The following SGSM3 variants were observed in gnomAD, a reference collection of about 807,000 sequenced individuals.
SGSM3 encodes the protein small G protein signaling modulator 3, also known as RUN and SH3 containing 3.
SGSM3 carries 96 observed loss-of-function variants against 100.5 expected under a neutral mutation model. The ratio of observed to expected loss-of-function variants is 0.96; its 90% confidence interval spans 0.81 to 1.13. The LOEUF (loss-of-function observed/expected upper bound fraction) is 1.13, where lower values mean the gene tolerates loss of function less well. SGSM3 is among the 50% of genes most tolerant of loss of function. The pLI is 0.00. For missense variants in SGSM3, 1,001 were observed against 1,015.8 expected (o/e 0.99, Z 0.20); for synonymous variants, 483 against 422.8 (o/e 1.14, Z -1.75).
At chr22:40,396,792 C>T (rs1045374891) in intron 1 of SGSM3, among the ~76,000 whole-genome samples, 2 of 151,986 alleles carry the variant, frequency 1.3e-5, no homozygotes, top group African/African-American at 4.8e-5. Context: ...ATGAAGAGAC[C>T]ACAGGAAATG....
chr22:40,397,851 C>G (rs2050236351), intron 1 of SGSM3, among the ~76,000 whole-genome samples: 1 of 152,156 alleles, frequency 6.6e-6, no homozygotes, highest in African/African-American at 2.4e-5. Context: ...AAGAGCTTCT[C>G]CTGAACACTT....
rs533591396 is a variant in SGSM3 at position 40,374,397 on chromosome 22, G to A, written c.-112+3709G>A. Among the ~76,000 whole-genome samples, 6 of 152,358 alleles carry A rather than the reference G, an allele frequency of 3.9e-5. No homozygotes were observed. The South Asian group carries it at 1.0e-3, about 26-fold the overall frequency. On this transcript the variant is annotated intron_variant, in intron 1 of 21. Coordinates refer to ENST00000248929, the MANE Select transcript of SGSM3 (RefSeq NM_015705.6). ...CTTAGGTATATACTTTTAGGGAAAA[G>A]CTGTATCCACTGAGAGATGACATGG...
intron 1 of SGSM3, among the ~76,000 whole-genome samples, chr22:40,390,881 C>T (rs1446159966): frequency 3.3e-5 from 5 of 152,128 alleles, no homozygotes; most frequent in South Asian, 2.1e-4. Context: ...TGTTGTACAT[C>T]GGGACCTTCT....
intron 4 of SGSM3, chr22:40,403,983 T>C (rs1429209174): frequency 8.8e-6 from 3 of 340,846 alleles, no homozygotes; most frequent in Non-Finnish European, 1.6e-5. Flanking sequence ...ATCGGGAGAA[T>C]GGAGGTGTCA....
chr22:40,386,040 T>A (rs1295835619), intron 1 of SGSM3, among the ~76,000 whole-genome samples: 1 of 151,640 alleles, frequency 6.6e-6, no homozygotes, highest in Non-Finnish European at 1.5e-5. Context: ...TTTTTTTGTT[T>A]TTTTTGTTTT....
At chr22:40,390,946 C>T (rs988662661) in intron 1 of SGSM3, among the ~76,000 whole-genome samples, 2 of 152,162 alleles carry the variant, frequency 1.3e-5, no homozygotes, top group Non-Finnish European at 2.9e-5. Flanking sequence ...ATGTCAGGCA[C>T]TGGGCTAGGT....
chr22:40,403,980 G>A, intron 4 of SGSM3: 1 of 335,786 alleles, frequency 3.0e-6, no homozygotes, highest in Non-Finnish European at 5.4e-6. Context: ...AGCATCGGGA[G>A]AATGGAGGTG....
At chr22:40,375,303 G>C (rs1265468426) in intron 1 of SGSM3, among the ~76,000 whole-genome samples, 2 of 152,188 alleles carry the variant, frequency 1.3e-5, no homozygotes, top group Non-Finnish European at 2.9e-5. Context: ...TGATAGGCCG[G>C]TTGTGGTGGC....
intron 1 of SGSM3, among the ~76,000 whole-genome samples, chr22:40,385,121 A>C (rs967976824): frequency 6.6e-6 from 1 of 152,234 alleles, no homozygotes; most frequent in Non-Finnish European, 1.5e-5. Flanking sequence ...AAGTCAGCAG[A>C]GTCTGATGCT....
intron 1 of SGSM3, among the ~76,000 whole-genome samples, chr22:40,371,498 CA>C (rs1391694692): frequency 3.3e-5 from 5 of 152,144 alleles, no homozygotes; most frequent in African/African-American, 7.2e-5. Context: ...CTCTGATTCA[CA>C]AAAACTCATT....
Position 40,407,410 on chromosome 22 carries a change from C to T in SGSM3, c.1369-3C>T. On this transcript the variant is annotated splice_region_variant and splice_polypyrimidine_tract_variant and intron_variant, in intron 12 of 21. Coordinates refer to ENST00000248929, the MANE Select transcript of SGSM3 (RefSeq NM_015705.6). The surrounding 1 kb of genome is among the most constrained non-coding windows in gnomAD (Gnocchi z 4.7). The stretch of plus-strand genomic sequence containing the variant: ...CTTGGTGGGCCTGTGTTCACTGTGG[C>T]AGGAGCTGACTCCAGACTATAGCAT... The T allele has an allele frequency of 6.2e-7, 1 of 1,611,610 alleles. No homozygotes were observed. The highest frequency in any genetic ancestry group is 8.5e-7 in the Non-Finnish European group (1 of 1,178,696).
At chr22:40,383,120 T>C (rs2047836536) in intron 1 of SGSM3, among the ~76,000 whole-genome samples, 2 of 152,178 alleles carry the variant, frequency 1.3e-5, no homozygotes, top group African/African-American at 4.8e-5. Flanking sequence ...ATTCAGCCCT[T>C]GAAGAGCTTT....
In SGSM3 at chr22:40,410,011, A is replaced by G; in HGVS notation, c.*252A>G. 3.0e-6 allele frequency: 4 copies of G among 1,331,956 alleles called. No homozygotes were observed. Among genetic ancestry groups the G allele is most frequent in the Non-Finnish European group, 2.9e-6 (3 of 1,046,904 alleles). 82.5% of individuals were successfully genotyped at this position (1,331,956 alleles called of 1,614,324 possible). A position where few individuals can be genotyped will look rare whatever the true frequency, so the allele number is the denominator to read the frequency against. ...CAAAAACCTTGTGAGGAGGTGGGGG[A>G]GCCATGTCTGTGCTCAGGAAGAGGG... On this transcript the variant is annotated 3_prime_UTR_variant, in exon 22 of 22. Transcript: ENST00000248929.
intron 6 of SGSM3, 61 bp downstream of exon 6, chr22:40,404,725 G>A (rs2051218590): frequency 8.2e-7 from 1 of 1,226,052 alleles, no homozygotes; most frequent in Non-Finnish European, 1.2e-6. Flanking sequence ...AGGAGAGAGG[G>A]AGCCTGCCTG....
chr22:40,407,551 A>G lies in SGSM3; in HGVS notation c.1507A>G (p.Lys503Glu), dbSNP rs1602114318. The change falls in exon 13 of 22, where the codon AAG becomes GAG. Residue 503 changes from lysine to glutamate, a missense_variant. Lys to Glu is a moderately conservative substitution (Grantham distance 56). Coordinates refer to ENST00000248929, the MANE Select transcript of SGSM3 (RefSeq NM_015705.6). This position sits in a 1 kb window ranked among gnomAD's most constrained non-coding sequence, Gnocchi z 4.7. ...RHDDDELGFR[K>E]NDIITIVSQK... ...CGACGACGACGAGCTGGGCTTCCGCAAGAACGACATCATCACAGTGCGTGG... is the reference window on the plus strand; with the variant it reads ...CGACGACGACGAGCTGGGCTTCCGCGAGAACGACATCATCACAGTGCGTGG... 6.2e-7 allele frequency: 1 copy of G among 1,604,238 alleles called. No homozygotes were observed. Among genetic ancestry groups the G allele is most frequent in the Non-Finnish European group, 8.5e-7 (1 of 1,179,872 alleles).
chr22:40,398,084 C>T (rs1291905046), intron 1 of SGSM3, among the ~76,000 whole-genome samples: 3 of 151,126 alleles, frequency 2.0e-5, no homozygotes, highest in Non-Finnish European at 2.9e-5. Flanking sequence ...TCTCCTGCCT[C>T]GGCCTCCCGA....
In SGSM3 at chr22:40,409,845, G is replaced by C. The variant is rs1291937246; in HGVS notation, c.*86G>C. ...CAGAGCCCAGGGAAGAGCAGCTCCA[G>C]AGCCCTGGCCGGGGCCGCGGGATAT... On this transcript the variant is annotated 3_prime_UTR_variant, in exon 22 of 22. Transcript: ENST00000248929. The C allele has an allele frequency of 8.5e-6, 13 of 1,529,836 alleles. No homozygotes were observed. The highest frequency in any genetic ancestry group is 4.9e-5 in the South Asian group (4 of 81,102). The allele number at this position is 1,529,836 out of a possible 1,614,324, so 94.8% of individuals were successfully genotyped here. A position where few individuals can be genotyped will look rare whatever the true frequency, so the allele number is the denominator to read the frequency against.
chr22:40,404,633 G>T lies in SGSM3; in HGVS notation c.443G>T (p.Ser148Ile). The T allele has an allele frequency of 6.2e-7, 1 of 1,613,204 alleles. No individual in the cohort carries two copies. Among genetic ancestry groups the T allele is most frequent in the East Asian group, 2.2e-5 (1 of 44,844 alleles). Residue 148 changes from serine (S) to isoleucine (I), a missense_variant, in exon 6 of 22, where the codon AGC becomes ATC. By Grantham distance (142) the Ser-to-Ile change is moderately radical. Coordinates refer to ENST00000248929, the MANE Select transcript of SGSM3 (RefSeq NM_015705.6). ...TCCTACCGCGAGATTGTGAAGAACAGCTCCAACGATGAGACCATCGCTGCC... is the reference window on the plus strand; with the variant it reads ...TCCTACCGCGAGATTGTGAAGAACATCTCCAACGATGAGACCATCGCTGCC... ...ELSYREIVKN[S>I]SNDETIAAKQ...
intron 17 of SGSM3, 45 bp from the exon 18 acceptor site, chr22:40,408,749 G>A: frequency 6.8e-6 from 11 of 1,613,890 alleles, no homozygotes; most frequent in Non-Finnish European, 8.5e-6. Context: ...GGAGGGCGGG[G>A]CCTGACCCAG....
Sources: gnomAD v4.1 joint callset for allele counts (sites outside exome capture counted in the v4.1 genomes callset) on GRCh38, gnomAD v4.1.1 for gene constraint, Gnocchi (gnomAD v3.1) non-coding constraint, MANE v1.5 for transcripts, NCBI Gene and HGNC (gene_info 2026-07-23, HGNC 2026-07-21) for gene names.